Variants in CCDC77 observed in about 807,000 individuals in gnomAD.
The protein encoded by CCDC77 is coiled-coil domain containing 77, also known as coiled-coil domain-containing protein 77.
A neutral mutation model predicts 66.8 loss-of-function variants in CCDC77; 56 were observed. The observed-to-expected ratio is 0.84, with a 90% CI of 0.68 to 1.05. The LOEUF is 1.05. CCDC77 is among the 50% of genes least tolerant of loss of function. The pLI, the probability that CCDC77 is intolerant of heterozygous loss-of-function variation, is 0.00. For synonymous variants in CCDC77, 196 were observed against 195.2 expected, an observed-to-expected ratio of 1.00 and a Z score of -0.03; for missense variants, 570 against 576.8, an observed-to-expected ratio of 0.99 and a Z score of 0.12.
intron 1 of CCDC77, among the ~76,000 whole-genome samples, chr12:393,485 T>C (rs189722397): frequency 3.3e-5 from 5 of 152,224 alleles, no homozygotes; most frequent in Admixed American, 2.6e-4. Flanking sequence ...ATCTAAAACT[T>C]TATCAGTTAA....
chr12:406,785 A>G (rs1472055047), intron 2 of CCDC77, among the ~76,000 whole-genome samples: 1 of 152,202 alleles, frequency 6.6e-6, no homozygotes, highest in Non-Finnish European at 1.5e-5. Flanking sequence ...CGTCTCTACT[A>G]AAAATACAAA....
chr12:436,328 C>T (rs375384878), intron 9 of CCDC77, among the ~76,000 whole-genome samples: 21 of 151,620 alleles, frequency 1.4e-4, no homozygotes, highest in East Asian at 7.7e-4. Context: ...AAGGTTTCAC[C>T]GTGTTAGCCA....
chr12:432,815 T>C (rs1049528442), intron 8 of CCDC77, among the ~76,000 whole-genome samples: 1 of 152,218 alleles, frequency 6.6e-6, no homozygotes, highest in Non-Finnish European at 1.5e-5. Flanking sequence ...GGCGAGTTGA[T>C]TGCTGGAGCC....
rs117934926 is a variant in CCDC77 at position 418,776 on chromosome 12, T to C, written c.413+140T>C. 3,656 of 837,892 alleles carry C rather than the reference T, an allele frequency of 4.4e-3. 147 individuals carry two copies. In the East Asian group the frequency reaches 0.076, roughly 17 times the overall value. The allele number at this position is 837,892 out of a possible 1,614,324, so 51.9% of individuals were successfully genotyped here. On this transcript the variant is annotated intron_variant, in intron 5 of 12. Transcript: ENST00000239830. ...GTACAGTGGCGCTCTCTTGGCTCACTGCAGCCTCCACCTCCTGGTTCCAGC... is the reference window on the plus strand; with the variant it reads ...GTACAGTGGCGCTCTCTTGGCTCACCGCAGCCTCCACCTCCTGGTTCCAGC...
At chr12:405,709 C>CAGAA (rs1280360593) in intron 2 of CCDC77, 145 bp downstream of exon 2, 1 of 151,922 alleles carries the variant, frequency 6.6e-6, no homozygotes, top group Non-Finnish European at 1.5e-5. Flanking sequence ...GACTGGCCAG[C>CAGAA]AGAAGAAAAG....
chr12:411,966 T>C lies in CCDC77; in HGVS notation c.258T>C (p.Ala86=). The change falls in exon 4 of 13, where the codon GCT becomes GCC. Residue 86 remains alanine, a synonymous_variant. Transcript: ENST00000239830. ...AGAAACTGGAACTCTACAAAGAAGC[T>C]TGTGAAGGACAGGTAAAGAAACGAT... The part of the protein sequence containing the change: ...LLKKLELYKE[A]CEGQHKLECD... 1 of 1,612,998 alleles carries C rather than the reference T, an allele frequency of 6.2e-7. No homozygotes were observed. Among genetic ancestry groups the C allele is most frequent in the Non-Finnish European group, 8.5e-7 (1 of 1,179,342 alleles).
intron 9 of CCDC77, among the ~76,000 whole-genome samples, chr12:437,968 T>C (rs1945787572): frequency 6.6e-6 from 1 of 152,188 alleles, no homozygotes; most frequent in Non-Finnish European, 1.5e-5. Context: ...ATAGAATTTG[T>C]ATTAACTTGT....
chr12:426,154 C>A (rs149071409), intron 5 of CCDC77, among the ~76,000 whole-genome samples: 1 of 152,180 alleles, frequency 6.6e-6, no homozygotes, highest in African/African-American at 2.4e-5. Flanking sequence ...TGAGCTACCG[C>A]GCCCAGCCCA....
chr12:415,281 ATAT>A (rs1172469056), intron 4 of CCDC77, among the ~76,000 whole-genome samples: 5 of 143,618 alleles, frequency 3.5e-5, no homozygotes, highest in African/African-American at 7.9e-5. Flanking sequence ...TATTAACATA[ATAT>A]TATGTTAATA....
chr12:430,895 A>G (rs967028123), intron 7 of CCDC77, among the ~76,000 whole-genome samples, 159 bp downstream of exon 7: 4 of 152,070 alleles, frequency 2.6e-5, no homozygotes, highest in African/African-American at 9.7e-5. Context: ...CCTGGCCAAC[A>G]TGGCAAAACC....
At chr12:400,367 T>G (rs1944879586), upstream of CCDC77, among the ~76,000 whole-genome samples, 2 of 152,342 alleles carry the variant, frequency 1.3e-5, no homozygotes, top group South Asian at 2.1e-4. Flanking sequence ...CTTCAAAAAC[T>G]TTTCCTTTGC....
chr12:403,999 G>A lies in CCDC77; in HGVS notation c.-70-1512G>A, dbSNP rs114548156. 3.0e-3 allele frequency among the ~76,000 whole-genome samples: 452 copies of A among 152,246 alleles called. 1 individual carries two copies. Among genetic ancestry groups the A allele is most frequent in the African/African-American group, 0.01 (430 of 41,552 alleles). ...CCATGGCCTGGCCATGCCAAGGTCCGGTCCCAAAGTGATATATTTTTAAAG... is the reference window on the plus strand; with the variant it reads ...CCATGGCCTGGCCATGCCAAGGTCCAGTCCCAAAGTGATATATTTTTAAAG... On this transcript the variant is annotated intron_variant, in intron 1 of 12. Transcript: ENST00000239830.
At chr12:406,991 T>A (rs960620473) in intron 2 of CCDC77, among the ~76,000 whole-genome samples, 4 of 152,290 alleles carry the variant, frequency 2.6e-5, no homozygotes, top group Non-Finnish European at 5.9e-5. Context: ...GAGACCGTTG[T>A]CGTCATCTGG....
At chr12:413,393 T>C (rs969864730) in intron 4 of CCDC77, among the ~76,000 whole-genome samples, 11 of 145,776 alleles carry the variant, frequency 7.5e-5, no homozygotes, top group South Asian at 6.7e-4. Flanking sequence ...CCTGCCACCA[T>C]GCCCAGCTAA....
In CCDC77 at chr12:407,729, G is replaced by T. The variant is rs141401143; in HGVS notation, c.-16-1639G>T. On this transcript the variant is annotated intron_variant, in intron 2 of 12. Coordinates refer to ENST00000239830, the MANE Select transcript of CCDC77 (RefSeq NM_032358.4). ...AAAATGGTATATGGAAGTAACAGTG[G>T]TGATTATCTCTTTTCATACTTTTAC... Among the ~76,000 whole-genome samples the T allele has an allele frequency of 6.7e-3, 1,011 of 151,756 alleles. 15 individuals are homozygous for T. Among genetic ancestry groups the T allele is most frequent in the African/African-American group, 0.024 (984 of 41,370 alleles).
intron 5 of CCDC77, among the ~76,000 whole-genome samples, chr12:423,024 A>C (rs1945434529): frequency 6.7e-6 from 1 of 149,026 alleles, no homozygotes; most frequent in South Asian, 2.1e-4. Context: ...TGTTTATACC[A>C]TTTTATATTC....
At chr12:440,109 G>C (rs965106408) in intron 10 of CCDC77, among the ~76,000 whole-genome samples, 6 of 152,220 alleles carry the variant, frequency 3.9e-5, no homozygotes, top group African/African-American at 1.4e-4. Context: ...AGCATTGGCA[G>C]CAGCCAGTTG....
In CCDC77 at chr12:416,342, GGGGTGT is replaced by G. The variant is rs1219537692; in HGVS notation, c.271-2150_271-2145del. On this transcript the variant is annotated intron_variant, in intron 4 of 12. Coordinates refer to ENST00000239830, the MANE Select transcript of CCDC77 (RefSeq NM_032358.4). ...GTGTGTGTGAGTCTGTGGGTGTGTG[GGGGTGT>G]GTGTGTGTGTGTGTGTGTGTGTGTG... is the stretch of plus-strand genomic sequence containing the variant. 2.1e-3 allele frequency among the ~76,000 whole-genome samples: 73 copies of G among 34,616 alleles called. 7 individuals carry two copies. Among genetic ancestry groups the G allele is most frequent in the African/African-American group, 8.4e-3 (60 of 7,182 alleles). The allele number at this position is 34,616 out of a possible 152,430, so 22.7% of individuals were successfully genotyped here. A position where few individuals can be genotyped will look rare whatever the true frequency, so the allele number is the denominator to read the frequency against.
Position 428,774 on chromosome 12 carries a change from T to C in CCDC77, c.419T>C (p.Leu140Pro). The change falls in exon 6 of 13, where the codon CTA becomes CCA. Residue 140 changes from leucine to proline, a missense_variant. Leu to Pro is a moderately conservative substitution (Grantham distance 98, BLOSUM62 -3). Transcript: ENST00000239830. The part of the protein sequence containing the change: ...SENDRLRIRE[L>P]EDKKKIQNLL... ...GCTTTCCATGAGAATTGCAGGGAGCTAGAAGACAAGAAAAAGATTCAGAAT... is the reference window on the plus strand; with the variant it reads ...GCTTTCCATGAGAATTGCAGGGAGCCAGAAGACAAGAAAAAGATTCAGAAT... 6.2e-7 allele frequency: 1 copy of C among 1,609,392 alleles called. No individual in the cohort carries two copies. The highest frequency in any genetic ancestry group is 8.5e-7 in the Non-Finnish European group (1 of 1,177,080).
Sources: allele counts gnomAD v4.1 joint callset (sites outside exome capture counted in the v4.1 genomes callset), GRCh38; gene constraint gnomAD v4.1.1; transcripts MANE v1.5; gene names NCBI Gene and HGNC (gene_info 2026-07-23, HGNC 2026-07-21).